FHIT: variants seen among roughly 807,000 people sequenced by gnomAD.
FHIT encodes the protein bis(5'-adenosyl)-triphosphatase.
In FHIT, 19 loss-of-function variants were observed where a neutral mutation model predicts 17.9. That is an observed-to-expected ratio of 1.06 (90% CI 0.74 to 1.56). FHIT has a LOEUF of 1.56. Ranked by LOEUF, FHIT falls within the 40% of genes most tolerant of loss-of-function variation. The pLI is 0.00. For synonymous variants in FHIT, 81 were observed against 69.7 expected (o/e 1.16, Z -0.81); for missense variants, 248 against 189.2 (o/e 1.31, Z -1.82).
At chr3:60,046,582 G>A (rs534508719) in intron 5 of FHIT, among the ~76,000 whole-genome samples, 1 of 152,248 alleles carries the variant, frequency 6.6e-6, no homozygotes, top group African/African-American at 2.4e-5. Context: ...AAATAAAAAA[G>A]ACAAACAGAG....
rs17062138 is a variant in FHIT, at chr3:60,088,816, G to C, written c.104-74664C>G. On this transcript the variant is annotated intron_variant, in intron 5 of 9. Transcript: ENST00000492590. ...GGATAAGAAACTTGGCAGGTAATTA[G>C]TACTAGGCATACCATTTGCTTTTTT... Among the ~76,000 whole-genome samples the C allele has an allele frequency of 5.2e-3, 798 of 152,274 alleles. 4 individuals carry two copies. The highest frequency in any genetic ancestry group is 0.018 in the African/African-American group (755 of 41,548).
chr3:59,890,350 C>A (rs1703803055), intron 8 of FHIT, among the ~76,000 whole-genome samples: 1 of 152,032 alleles, frequency 6.6e-6, no homozygotes, highest in Non-Finnish European at 1.5e-5. Context: ...GACTGAGCAT[C>A]AATCTGGGAC....
At position 59,806,309 on chromosome 3, in the gene FHIT, C is replaced by A. The variant is rs1700194738; in HGVS notation, c.349-53988G>T. Among the ~76,000 whole-genome samples, 4 of 152,154 alleles carry A rather than the reference C, an allele frequency of 2.6e-5. 1 individual carries two copies. The South Asian group carries it at 8.3e-4, about 32-fold the overall frequency. On this transcript the variant is annotated intron_variant, in intron 8 of 9. Transcript: ENST00000492590. ...ATTTTTAGGCCTCTCTTAAGCCTCA[C>A]AATGGTTCTAATTTTGTAATAAGGT... is the stretch of plus-strand genomic sequence containing the variant.
intron 4 of FHIT, among the ~76,000 whole-genome samples, chr3:60,628,467 A>T (rs1452232375): frequency 6.6e-6 from 1 of 152,200 alleles, no homozygotes; most frequent in Non-Finnish European, 1.5e-5. Context: ...CCTCACACCC[A>T]GCTGTTATGC....
intron 5 of FHIT, among the ~76,000 whole-genome samples, chr3:60,495,630 C>T (rs975121273): frequency 2.0e-5 from 3 of 151,988 alleles, no homozygotes; most frequent in African/African-American, 7.2e-5. Context: ...GGATATCCAA[C>T]AGCATCAGTA....
intron 5 of FHIT, among the ~76,000 whole-genome samples, chr3:60,340,227 A>C (rs1248399393): frequency 6.6e-6 from 1 of 152,230 alleles, no homozygotes; most frequent in Admixed American, 6.5e-5. Flanking sequence ...TTAGGAAATA[A>C]ATTTCAAGAA....
chr3:59,882,369 A>C (rs1417010358), intron 8 of FHIT, among the ~76,000 whole-genome samples: 1 of 152,012 alleles, frequency 6.6e-6, no homozygotes, highest in Non-Finnish European at 1.5e-5. Flanking sequence ...GAAAAAAAAT[A>C]TTAACAATAT....
chr3:60,862,134 C>T (rs1027858946), intron 3 of FHIT, among the ~76,000 whole-genome samples: 1 of 152,020 alleles, frequency 6.6e-6, no homozygotes, highest in Non-Finnish European at 1.5e-5. Flanking sequence ...TCCCTGCCCT[C>T]ATAGAGATGA....
At chr3:60,890,396 C>G (rs1559804589) in intron 3 of FHIT, among the ~76,000 whole-genome samples, 1 of 152,204 alleles carries the variant, frequency 6.6e-6, no homozygotes, top group African/African-American at 2.4e-5. Flanking sequence ...ACCCAGCCTA[C>G]ACCAAATGGA....
chr3:59,866,644 A>T (rs79476750), intron 8 of FHIT, among the ~76,000 whole-genome samples: 10,885 of 152,178 alleles, frequency 0.072, 446 homozygotes, highest in Non-Finnish European at 0.08. Flanking sequence ...TCTAAAAGTA[A>T]ATCTGATGGG....
chr3:60,023,321 A>T (rs1444150029), intron 5 of FHIT, among the ~76,000 whole-genome samples: 2 of 152,194 alleles, frequency 1.3e-5, no homozygotes, highest in South Asian at 4.1e-4. Context: ...CAACATAAAT[A>T]ATTTAATAGC....
At chr3:59,763,577 A>G (rs1701640215) in intron 8 of FHIT, among the ~76,000 whole-genome samples, 2 of 152,244 alleles carry the variant, frequency 1.3e-5, no homozygotes. Flanking sequence ...ATAGTAATCA[A>G]GCTGGACAAG....
intron 5 of FHIT, among the ~76,000 whole-genome samples, chr3:60,387,587 C>G (rs556139322): frequency 6.6e-5 from 10 of 152,068 alleles, no homozygotes; most frequent in Non-Finnish European, 1.3e-4. Context: ...TTCTCTCCCC[C>G]CTCACCTTTC....
At chr3:60,725,942 T>A (rs781786801) in intron 4 of FHIT, among the ~76,000 whole-genome samples, 9 of 151,892 alleles carry the variant, frequency 5.9e-5, no homozygotes, top group African/African-American at 1.2e-4. Flanking sequence ...TGTAAAAAAA[T>A]TTTCCTTAGG....
At chr3:61,174,236 G>A (rs2038092767) in intron 2 of FHIT, among the ~76,000 whole-genome samples, 1 of 152,282 alleles carries the variant, frequency 6.6e-6, no homozygotes, top group Admixed American at 6.5e-5. Flanking sequence ...TCAAGATCTT[G>A]CACTACATAT....
At chr3:60,740,561 T>A (rs1485790162) in intron 4 of FHIT, among the ~76,000 whole-genome samples, 1 of 152,242 alleles carries the variant, frequency 6.6e-6, no homozygotes, top group Non-Finnish European at 1.5e-5. Context: ...TAATATAAAA[T>A]GTGCCATTTC....
At chr3:61,225,993 T>C (rs1344607822) in intron 1 of FHIT, among the ~76,000 whole-genome samples, 2 of 152,240 alleles carry the variant, frequency 1.3e-5, no homozygotes, top group Non-Finnish European at 2.9e-5. Flanking sequence ...GTTATTTATT[T>C]CTTCTGATAC....
intron 5 of FHIT, among the ~76,000 whole-genome samples, chr3:60,075,030 A>T (rs187230838): frequency 6.6e-4 from 101 of 152,212 alleles, no homozygotes; most frequent in African/African-American, 2.4e-3. Context: ...TTAGGCTAAC[A>T]TGCTAGCCAG....
chr3:59,872,540 T>C (rs1702969794), intron 8 of FHIT, among the ~76,000 whole-genome samples: 1 of 152,344 alleles, frequency 6.6e-6, no homozygotes, highest in African/African-American at 2.4e-5. Flanking sequence ...CTGAGAACAA[T>C]GTCTGTTATT....
Sources: gnomAD v4.1 joint callset for allele counts (sites outside exome capture counted in the v4.1 genomes callset) on GRCh38, gnomAD v4.1.1 for gene constraint, MANE v1.5 for transcripts, NCBI Gene and HGNC (gene_info 2026-07-23, HGNC 2026-07-21) for gene names.